The following SHISA9 variants were observed in gnomAD, a reference collection of about 807,000 sequenced individuals.
SHISA9 encodes shisa family member 9.
In SHISA9, 13 loss-of-function variants were observed where a neutral mutation model predicts 38.0. The observed-to-expected ratio is 0.34, with a 90% CI of 0.22 to 0.54. SHISA9 has a LOEUF of 0.54. Among genes scored for constraint, SHISA9 ranks in the 20% least tolerant of loss-of-function variants. The pLI, the probability that SHISA9 is intolerant of heterozygous loss-of-function variation, is 0.91. For missense variants in SHISA9, 538 were observed against 575.8 expected (o/e 0.93, Z 0.67); for synonymous variants, 275 against 242.0 (o/e 1.14, Z -1.27).
At chr16:13,276,721 A>C in the SHISA9 span, among the ~76,000 whole-genome samples, 4 of 152,196 alleles carry the variant, frequency 2.6e-5, no homozygotes, top group African/African-American at 9.6e-5. Context: ...TCTTCTTTTG[A>C]AAACTGTCTA....
At chr16:13,135,173 C>T (rs891755347) in intron 2 of SHISA9, among the ~76,000 whole-genome samples, 1 of 152,174 alleles carries the variant, frequency 6.6e-6, no homozygotes, top group African/African-American at 2.4e-5. Context: ...TGAACAACAA[C>T]AGAATCTACT....
intron 1 of SHISA9, chr16:12,910,759 A>G (rs2071171857): frequency 1.0e-6 from 1 of 973,472 alleles, no homozygotes; most frequent in Admixed American, 6.2e-5. Flanking sequence ...GAGAAACAGA[A>G]CAAATATACA....
rs1444925769 is a variant in SHISA9 at position 13,212,101 on chromosome 16, A to G, written c.848-1152A>G. ...GCACGCCTGGGGAGGCCAGCCAGAA[A>G]TGTTTAAATGGGGCCGGATCTGTGC... On this transcript the variant is annotated intron_variant, in intron 3 of 4. Coordinates refer to ENST00000558583, the MANE Select transcript of SHISA9 (RefSeq NM_001145204.3). 2.0e-5 allele frequency among the ~76,000 whole-genome samples: 3 copies of G among 152,132 alleles called. No homozygotes were observed. The East Asian group carries it at 5.8e-4, about 29-fold the overall frequency.
At chr16:13,174,177 G>GT (rs1434962435) in intron 2 of SHISA9, among the ~76,000 whole-genome samples, 1 of 152,080 alleles carries the variant, frequency 6.6e-6, no homozygotes, top group Admixed American at 6.6e-5. Flanking sequence ...TATAGCATTT[G>GT]TTTTTTGTTG....
intron 2 of SHISA9, among the ~76,000 whole-genome samples, chr16:13,039,034 G>A (rs977408433): frequency 1.3e-5 from 2 of 151,904 alleles, no homozygotes; most frequent in African/African-American, 2.4e-5. Context: ...TCAGCCTCCC[G>A]AGTAGCTAGA....
chr16:13,075,952 C>T (rs1041468771), intron 2 of SHISA9, among the ~76,000 whole-genome samples: 5 of 152,018 alleles, frequency 3.3e-5, no homozygotes, highest in African/African-American at 7.3e-5. Flanking sequence ...CACCCCAGCT[C>T]GGTTGTGACA....
chr16:13,264,949 C>G, the SHISA9 span, among the ~76,000 whole-genome samples: 1 of 149,882 alleles, frequency 6.7e-6, no homozygotes, highest in Non-Finnish European at 1.5e-5. Flanking sequence ...CTTTTCTCGT[C>G]TTCTCTTCCC....
intron 2 of SHISA9, among the ~76,000 whole-genome samples, chr16:13,045,087 C>T (rs1336687013): frequency 6.6e-6 from 1 of 152,118 alleles, no homozygotes; most frequent in Non-Finnish European, 1.5e-5. Context: ...CAGCATTTAC[C>T]TCATAGTGTA....
At chr16:13,008,546 G>C (rs961851660) in intron 2 of SHISA9, among the ~76,000 whole-genome samples, 1 of 152,036 alleles carries the variant, frequency 6.6e-6, no homozygotes, top group Non-Finnish European at 1.5e-5. Context: ...CCTCATGATA[G>C]TGAGTGTGTT....
chr16:13,299,710 C>CAAA, the SHISA9 span, among the ~76,000 whole-genome samples: 814 of 118,354 alleles, frequency 6.9e-3, 9 homozygotes, highest in African/African-American at 0.025. Flanking sequence ...GAGCCTCTGT[C>CAAA]AAAAAAAAAA....
At chr16:12,932,927 G>A (rs533698655) in intron 2 of SHISA9, among the ~76,000 whole-genome samples, 21 of 152,202 alleles carry the variant, frequency 1.4e-4, no homozygotes, top group Admixed American at 7.2e-4. Context: ...GATGGTGCTC[G>A]TGTGCCATCT....
chr16:13,208,382 G>A (rs939179425), intron 3 of SHISA9, among the ~76,000 whole-genome samples: 5 of 148,164 alleles, frequency 3.4e-5, no homozygotes, highest in Non-Finnish European at 6.0e-5. Flanking sequence ...TTGTTTGCTT[G>A]TTGGGATCAC....
intron 1 of SHISA9, among the ~76,000 whole-genome samples, chr16:12,903,851 C>T (rs1480185930): frequency 6.6e-6 from 1 of 152,238 alleles, no homozygotes; most frequent in Non-Finnish European, 1.5e-5. Flanking sequence ...CCTAAAAAAT[C>T]TGAACAAAGA....
intron 2 of SHISA9, among the ~76,000 whole-genome samples, chr16:13,135,055 A>G (rs1261260081): frequency 6.6e-6 from 1 of 152,190 alleles, no homozygotes; most frequent in African/African-American, 2.4e-5. Flanking sequence ...AGCAAGTCAC[A>G]TGACTCACCT....
the SHISA9 span, among the ~76,000 whole-genome samples, chr16:13,525,254 T>G: frequency 6.6e-6 from 1 of 152,146 alleles, no homozygotes; most frequent in Non-Finnish European, 1.5e-5. Flanking sequence ...GAGCTACACA[T>G]ATTATTAATC....
intron 2 of SHISA9, among the ~76,000 whole-genome samples, chr16:12,951,532 T>A (rs1189094927): frequency 6.6e-6 from 1 of 152,094 alleles, no homozygotes; most frequent in Non-Finnish European, 1.5e-5. Context: ...GGTGTTGGGC[T>A]GGATTTGGCC....
chr16:13,066,272 A>G (rs767653509), intron 2 of SHISA9, among the ~76,000 whole-genome samples: 1 of 152,234 alleles, frequency 6.6e-6, no homozygotes, highest in Non-Finnish European at 1.5e-5. Flanking sequence ...GAAATGGACC[A>G]GCTCTAGGGA....
chr16:13,122,113 A>T (rs1281611238), intron 2 of SHISA9, among the ~76,000 whole-genome samples: 2 of 152,186 alleles, frequency 1.3e-5, no homozygotes, highest in Non-Finnish European at 2.9e-5. Context: ...GGGATCTAGC[A>T]CATGCCTTGC....
At chr16:12,927,403 T>C (rs1303124597) in intron 2 of SHISA9, among the ~76,000 whole-genome samples, 1 of 152,096 alleles carries the variant, frequency 6.6e-6, no homozygotes, top group African/African-American at 2.4e-5. Context: ...GTTTTTTACT[T>C]ACTTATTTAT....
Sources: allele counts gnomAD v4.1 joint callset (sites outside exome capture counted in the v4.1 genomes callset), GRCh38; gene constraint gnomAD v4.1.1; transcripts MANE v1.5; gene names NCBI Gene and HGNC (gene_info 2026-07-23, HGNC 2026-07-21).